The following SCML1 variants were observed in gnomAD, a reference collection of about 807,000 sequenced individuals.
The protein encoded by SCML1 is Scm polycomb group protein like 1, also known as sex comb on midleg-like protein 1.
For missense variants in SCML1, 137 were observed against 258.1 expected (o/e 0.53, Z 3.22); for synonymous variants, 104 against 103.6 (o/e 1.00, Z -0.02).
chrX:17,745,588 G>T (rs1400737141), intron 3 of SCML1, 49 bp downstream of exon 3: 1 of 737,773 alleles, frequency 1.4e-6, no homozygotes, highest in East Asian at 3.3e-5. Flanking sequence ...CTGTTTTAAA[G>T]GAAAAGATGT....
At chrX:17,751,398 C>T (rs186563105) in intron 6 of SCML1, among the ~76,000 whole-genome samples, 21 of 111,955 alleles carry the variant, frequency 1.9e-4, no homozygotes, top group African/African-American at 6.5e-4. Flanking sequence ...GTAAAATTAA[C>T]CTAATCTAGA....
At position 17,753,324 on chromosome X, in the gene SCML1, C is replaced by T; in HGVS notation, c.922C>T (p.Leu308=). The change falls in exon 8 of 8, where the codon CTG becomes TTG. Residue 308 remains leucine, a synonymous_variant. Transcript: ENST00000380041. ...GTTGCTGAAGCACTTGGGGGTGAAG[C>T]TGGGAACGGCTGTGAAGCTATGCTA... The part of the protein sequence containing the change: ...DVLLKHLGVK[L]GTAVKLCYYI... 8.5e-7 allele frequency: 1 copy of T among 1,181,238 alleles called. No homozygotes were observed. Among genetic ancestry groups the T allele is most frequent in the Non-Finnish European group, 1.1e-6 (1 of 877,212 alleles).
chrX:17,752,254 A>C (rs746799189), intron 7 of SCML1, among the ~76,000 whole-genome samples: 3 of 111,457 alleles, frequency 2.7e-5, no homozygotes, highest in African/African-American at 9.9e-5. Flanking sequence ...AGATACAAAG[A>C]TCCTCCCCCT....
intron 6 of SCML1, 37 bp downstream of exon 6, chrX:17,750,330 C>A: frequency 1.7e-6 from 2 of 1,145,599 alleles, no homozygotes; most frequent in Non-Finnish European, 2.3e-6. Context: ...TTGGTACATG[C>A]CCCTGAGATG....
chrX:17,753,554 ACTT>A lies in SCML1; in HGVS notation c.*166_*168del, dbSNP rs1350909162. 9 of 328,147 alleles carry A rather than the reference ACTT, an allele frequency of 2.7e-5. No homozygotes were observed. Among genetic ancestry groups the A allele is most frequent in the Non-Finnish European group, 4.5e-5 (9 of 198,095 alleles). 27.0% of individuals were successfully genotyped at this position (328,147 alleles called of 1,213,427 possible). ...GTAGAACTATGTTATAGTCCAGTCT[ACTT>A]CTTTAAAAACCATTTAAACTGCTAG... On this transcript the variant is annotated 3_prime_UTR_variant, in exon 8 of 8. Transcript: ENST00000380041.
chrX:17,740,219 G>A (rs2066581827), intron 1 of SCML1, among the ~76,000 whole-genome samples: 1 of 111,734 alleles, frequency 8.9e-6, no homozygotes, highest in Non-Finnish European at 1.9e-5. Context: ...TTGGCAATTT[G>A]GACTTGGATT....
At chrX:17,740,007 G>A (rs1601870093) in intron 1 of SCML1, among the ~76,000 whole-genome samples, 1 of 111,485 alleles carries the variant, frequency 9.0e-6, no homozygotes, top group South Asian at 3.8e-4. Flanking sequence ...TTGTAAAGCT[G>A]TAATTGTTTG....
chrX:17,754,540 A>G lies in SCML1; in HGVS notation c.*1148A>G, dbSNP rs1364324638. 1 of 112,802 alleles carries G rather than the reference A, an allele frequency of 8.9e-6. No homozygotes were observed. The highest frequency in any genetic ancestry group is 1.9e-5 in the Non-Finnish European group (1 of 53,314). The allele number at this position is 112,802 out of a possible 1,213,427, so 9.3% of individuals were successfully genotyped here. On this transcript the variant is annotated 3_prime_UTR_variant, in exon 8 of 8. Coordinates refer to ENST00000380041, the MANE Select transcript of SCML1 (RefSeq NM_001037540.3). ...AATCCTGCTACACTTTGAATGATAC[A>G]TTAATTCAGACTAATCTTTGGGGGC...
chrX:17,739,994 A>G (rs1173918597), intron 1 of SCML1, among the ~76,000 whole-genome samples: 2 of 111,445 alleles, frequency 1.8e-5, no homozygotes, highest in Non-Finnish European at 3.8e-5. Context: ...CTCTAAGGCA[A>G]TGTTGTAAAG....
chrX:17,753,297 G>C lies in SCML1; in HGVS notation c.895G>C (p.Val299Leu). 1.7e-6 allele frequency: 2 copies of C among 1,184,253 alleles called. No homozygotes were observed. Among genetic ancestry groups the C allele is most frequent in the Non-Finnish European group, 2.3e-6 (2 of 879,556 alleles). ...GKALLLLTSD[V>L]LLKHLGVKLG... ...GGCTCTGCTCCTACTCACGAGTGACGTGTTGCTGAAGCACTTGGGGGTGAA... is the reference window on the plus strand; with the variant it reads ...GGCTCTGCTCCTACTCACGAGTGACCTGTTGCTGAAGCACTTGGGGGTGAA... Residue 299 changes from valine (V) to leucine (L), a missense_variant, in exon 8 of 8, where the codon GTG becomes CTG. Coordinates refer to ENST00000380041, the MANE Select transcript of SCML1 (RefSeq NM_001037540.3).
chrX:17,749,699 A>G (rs1012200739), intron 5 of SCML1, 195 bp downstream of exon 5: 2 of 510,760 alleles, frequency 3.9e-6, no homozygotes, highest in African/African-American at 2.4e-5. Context: ...GATGCTGCCT[A>G]TTTTTATGTT....
chrX:17,750,388 C>T, intron 6 of SCML1, 95 bp downstream of exon 6: 1 of 902,553 alleles, frequency 1.1e-6, no homozygotes, highest in Non-Finnish European at 1.5e-6. Context: ...GATCATCTCT[C>T]TGCTTCCCTT....
At chrX:17,741,068 A>G (rs934607323) in intron 1 of SCML1, among the ~76,000 whole-genome samples, 1 of 112,025 alleles carries the variant, frequency 8.9e-6, no homozygotes, top group African/African-American at 3.3e-5. Context: ...GCTACACAGT[A>G]AATATTTTAG....
chrX:17,751,798 C>A lies in SCML1; in HGVS notation c.704-17C>A. On this transcript the variant is annotated splice_polypyrimidine_tract_variant and intron_variant, in intron 6 of 7. Transcript: ENST00000380041. ...GTGTGATTTGTCTTTTTTTTCTTTT[C>A]CCCCTCTCCATTGAAGTTACAAGGT... 5 of 1,195,816 alleles carry A rather than the reference C, an allele frequency of 4.2e-6. No homozygotes were observed. Among genetic ancestry groups the A allele is most frequent in the Non-Finnish European group, 5.6e-6 (5 of 887,654 alleles).
Position 17,746,069 on chromosome X carries a change from A to G in SCML1, c.169A>G (p.Thr57Ala), listed in dbSNP as rs770563214. ...CTGTAATACTGAAGAGCAACTGAAG[A>G]CAGTTGATGATGTCCTTATTCATTG... is the stretch of plus-strand genomic sequence containing the variant. ...ASCNTEEQLK[T>A]VDDVLIHCQV... The change falls in exon 4 of 8, where the codon ACA becomes GCA. Residue 57 changes from threonine (T) to alanine (A), a missense_variant. By Grantham distance (58) the Thr-to-Ala change is moderately conservative (BLOSUM62 0). Transcript: ENST00000380041. 66 of 1,176,446 alleles carry G rather than the reference A, an allele frequency of 5.6e-5. No individual in the cohort carries two copies. The highest frequency in any genetic ancestry group is 7.4e-5 in the Non-Finnish European group (64 of 869,725).
Position 17,750,066 on chromosome X carries a change from T to A in SCML1, c.476T>A (p.Phe159Tyr). The part of the protein sequence containing the change: ...NSPSNLPRPS[F>Y]CMEEYQRAEL... The stretch of plus-strand genomic sequence containing the variant: ...CCGAGCAACCTTCCAAGGCCATCCT[T>A]TTGCATGGAAGAATACCAGCGAGCT... Residue 159 changes from phenylalanine to tyrosine, a missense_variant, in exon 6 of 8, where the codon TTT becomes TAT. Transcript: ENST00000380041. The A allele has an allele frequency of 8.3e-7, 1 of 1,211,787 alleles. No individual in the cohort carries two copies. Among genetic ancestry groups the A allele is most frequent in the Non-Finnish European group, 1.1e-6 (1 of 895,479 alleles).
intron 1 of SCML1, among the ~76,000 whole-genome samples, chrX:17,741,468 C>G (rs1377415564): frequency 2.7e-5 from 3 of 111,316 alleles, no homozygotes; most frequent in Admixed American, 9.5e-5. Context: ...ATGGAAGGAC[C>G]TTGCAGGCCA....
chrX:17,746,244 A>C, intron 4 of SCML1, 146 bp downstream of exon 4: 1 of 348,029 alleles, frequency 2.9e-6, no homozygotes, highest in East Asian at 4.3e-5. Flanking sequence ...ATGATTTTTT[A>C]AAACAATTTA....
chrX:17,749,736 TA>T (rs2147178565), intron 5 of SCML1, 157 bp from the exon 6 acceptor site: 2 of 551,436 alleles, frequency 3.6e-6, no homozygotes, highest in East Asian at 7.3e-5. Context: ...AAAATACAAT[TA>T]AAATGTAGGA....
Sources: gnomAD v4.1 joint callset for allele counts (sites outside exome capture counted in the v4.1 genomes callset) on GRCh38, gnomAD v4.1.1 for gene constraint, MANE v1.5 for transcripts, NCBI Gene and HGNC (gene_info 2026-07-23, HGNC 2026-07-21) for gene names.